The following CDHR2 variants were observed in gnomAD, a reference collection of about 807,000 sequenced individuals.
CDHR2 encodes cadherin-related family member 2.
In CDHR2, 104 loss-of-function variants were observed where a neutral mutation model predicts 138.6. That is an observed-to-expected ratio of 0.75 (90% CI 0.64 to 0.88). CDHR2 has a LOEUF of 0.88. CDHR2 is among the 40% of genes least tolerant of loss of function. The probability of loss-of-function intolerance (pLI) is 0.00; values close to 1 mark genes in which losing one functional copy is unlikely to be tolerated. For missense variants in CDHR2, 1,624 were observed against 1,727.6 expected (o/e 0.94, Z 1.06); for synonymous variants, 755 against 742.8 (o/e 1.02, Z -0.27).
upstream of CDHR2, chr5:176,547,491 A>G (rs1757610383): frequency 6.6e-6 from 1 of 152,194 alleles, no homozygotes; most frequent in African/African-American, 2.4e-5. Context: ...GCACAGTCTC[A>G]CTACTGATCA....
intron 21 of CDHR2, among the ~76,000 whole-genome samples, chr5:176,587,469 A>T (rs1338600492): frequency 2.0e-5 from 3 of 152,224 alleles, no homozygotes; most frequent in African/African-American, 7.2e-5. Flanking sequence ...AAATAAATAA[A>T]TAAATTATTG....
At chr5:176,550,476 C>T (rs982020335) in intron 1 of CDHR2, among the ~76,000 whole-genome samples, 3 of 152,194 alleles carry the variant, frequency 2.0e-5, no homozygotes, top group Admixed American at 6.5e-5. Flanking sequence ...CCTGGATCAA[C>T]GGAGCCCAGA....
intron 21 of CDHR2, among the ~76,000 whole-genome samples, chr5:176,588,419 G>A (rs1758728010): frequency 7.7e-6 from 1 of 129,642 alleles, no homozygotes; most frequent in Admixed American, 8.2e-5. Context: ...GTGAGGGTGT[G>A]AGTGTGTGTG....
chr5:176,553,258 A>G lies in CDHR2; in HGVS notation c.-16+3844A>G, dbSNP rs1014985001. 1.3e-5 allele frequency among the ~76,000 whole-genome samples: 2 copies of G among 152,200 alleles called. No homozygotes were observed. Among genetic ancestry groups the G allele is most frequent in the African/African-American group, 4.8e-5 (2 of 41,444 alleles). ...CAGGAGCCTAGAAAAGAGAGAAGGC[A>G]CAGGCCTGGCTTGGGTTCTGCCCAT... On this transcript the variant is annotated intron_variant, in intron 1 of 31. Coordinates refer to ENST00000261944, the MANE Select transcript of CDHR2 (RefSeq NM_017675.6). The surrounding 1 kb of genome is among the most constrained non-coding windows in gnomAD (Gnocchi z 4.3).
chr5:176,560,990 TG>T (rs35169168), intron 1 of CDHR2, among the ~76,000 whole-genome samples: 127,324 of 152,104 alleles, frequency 0.84, 56,044 homozygotes, highest in East Asian at 0.99. Context: ...TAGGGCACAC[TG>T]GGGGAGGAGG....
intron 31 of CDHR2, among the ~76,000 whole-genome samples, chr5:176,593,992 G>A (rs1288932326): frequency 1.3e-5 from 2 of 152,158 alleles, no homozygotes; most frequent in African/African-American, 2.4e-5. Flanking sequence ...CTGGGGAACT[G>A]AGGCGAAGGA....
intron 16 of CDHR2, among the ~76,000 whole-genome samples, chr5:176,580,107 AAC>A (rs202085342): frequency 6.7e-6 from 1 of 149,034 alleles, no homozygotes; most frequent in African/African-American, 2.5e-5. Flanking sequence ...GCAGGACAGG[AAC>A]ACACACACAC....
At position 176,591,473 on chromosome 5, in the gene CDHR2, G is replaced by C; in HGVS notation, c.3723G>C (p.Leu1241=). ...AGTACCTCTCTCCCTCCAATGACCT[G>C]GACTCTGTCAGGTGAGCAGTGCCCC... The part of the protein sequence containing the change: ...GLEYLSPSND[L]DSVSVNSLDD... Residue 1241 remains leucine, a synonymous_variant, in exon 30 of 32, where the codon CTG becomes CTC. Coordinates refer to ENST00000261944, the MANE Select transcript of CDHR2 (RefSeq NM_017675.6). 6.2e-7 allele frequency: 1 copy of C among 1,613,396 alleles called. No individual in the cohort carries two copies. Among genetic ancestry groups the C allele is most frequent in the Non-Finnish European group, 8.5e-7 (1 of 1,179,510 alleles).
chr5:176,574,866 C>T (rs762814660), intron 7 of CDHR2, among the ~76,000 whole-genome samples: 12 of 152,132 alleles, frequency 7.9e-5, no homozygotes, highest in East Asian at 1.9e-4. Flanking sequence ...GATGGAGGGC[C>T]GACTGCATCT....
chr5:176,565,186 A>G (rs1331169791), intron 1 of CDHR2, 152 bp from the exon 2 acceptor site: 3 of 633,046 alleles, frequency 4.7e-6, no homozygotes, highest in Non-Finnish European at 8.6e-6. Context: ...ACCCTAGAGC[A>G]TCTGGAAAAT....
At chr5:176,546,053 CAGCAG>C (rs1158934461), upstream of CDHR2, among the ~76,000 whole-genome samples, 1 of 152,240 alleles carries the variant, frequency 6.6e-6, no homozygotes, top group African/African-American at 2.4e-5. Context: ...ATTTGGGGCA[CAGCAG>C]AGCGACCAGG....
chr5:176,579,471 C>A (rs1314744811), intron 16 of CDHR2, among the ~76,000 whole-genome samples: 1 of 152,170 alleles, frequency 6.6e-6, no homozygotes, highest in African/African-American at 2.4e-5. Context: ...GCCTTTCCTC[C>A]TTCCTGCTTG....
At chr5:176,586,326 G>A (rs1469655467) in intron 20 of CDHR2, among the ~76,000 whole-genome samples, 2 of 152,230 alleles carry the variant, frequency 1.3e-5, no homozygotes, top group African/African-American at 4.8e-5. Context: ...CTCCAGAGTA[G>A]CTGGGGCTAC....
In CDHR2 at chr5:176,581,384, G is replaced by T. The variant is rs1422137302; in HGVS notation, c.1860G>T (p.Leu620=). The change falls in exon 17 of 32, where the codon CTG becomes CTT. Residue 620 remains leucine (L), a synonymous_variant. Coordinates refer to ENST00000261944, the MANE Select transcript of CDHR2 (RefSeq NM_017675.6). ...AGCCGGGCACCAACAACAGCCGTCTGCTCTTCAACCTGCTGCCTGGCCCCT... is the reference window on the plus strand; with the variant it reads ...AGCCGGGCACCAACAACAGCCGTCTTCTCTTCAACCTGCTGCCTGGCCCCT... The part of the protein sequence containing the change: ...NDEPGTNNSR[L]LFNLLPGPYS... The T allele has an allele frequency of 6.8e-6, 11 of 1,613,888 alleles. No homozygotes were observed. The highest frequency in any genetic ancestry group is 9.3e-6 in the Non-Finnish European group (11 of 1,180,030).
intron 27 of CDHR2, 25 bp downstream of exon 27, chr5:176,590,510 C>T: frequency 6.2e-7 from 1 of 1,613,986 alleles, no homozygotes; most frequent in Non-Finnish European, 8.5e-7. Context: ...GGCGGGGCAG[C>T]AGGTGGGGCT....
At chr5:176,563,465 T>G (rs1038617775) in intron 1 of CDHR2, among the ~76,000 whole-genome samples, 2 of 152,048 alleles carry the variant, frequency 1.3e-5, no homozygotes, top group Non-Finnish European at 2.9e-5. Context: ...TCGAGGCCAG[T>G]GCTTATTTAG....
intron 3 of CDHR2, among the ~76,000 whole-genome samples, chr5:176,568,090 C>T (rs886865700): frequency 6.6e-6 from 1 of 152,182 alleles, no homozygotes; most frequent in Admixed American, 6.5e-5. Context: ...ATATCGGGGC[C>T]AGTGGAGGTG....
intron 25 of CDHR2, 44 bp downstream of exon 25, chr5:176,590,190 G>T: frequency 6.2e-7 from 1 of 1,608,774 alleles, no homozygotes; most frequent in African/African-American, 1.3e-5. Context: ...GGGGAGAAGC[G>T]GTAGCAGGAG....
chr5:176,554,361 G>A (rs2113255933), intron 1 of CDHR2, among the ~76,000 whole-genome samples: 1 of 152,316 alleles, frequency 6.6e-6, no homozygotes, highest in East Asian at 1.9e-4. Flanking sequence ...CATAAGGTGA[G>A]GACAACCCCA....
Sources: gnomAD v4.1 joint callset for allele counts (sites outside exome capture counted in the v4.1 genomes callset) on GRCh38, gnomAD v4.1.1 for gene constraint, Gnocchi (gnomAD v3.1) non-coding constraint, MANE v1.5 for transcripts, NCBI Gene and HGNC (gene_info 2026-07-23, HGNC 2026-07-21) for gene names.